TJP1: variants seen among roughly 807,000 people sequenced by gnomAD.
TJP1 encodes the protein tight junction protein 1, also known as tight junction protein ZO-1.
A neutral mutation model predicts 194.2 loss-of-function variants in TJP1; 43 were observed. The observed-to-expected ratio is 0.22, with a 90% CI of 0.17 to 0.29. TJP1 has a LOEUF of 0.29. Ranked by LOEUF, TJP1 falls within the 10% of genes least tolerant of loss-of-function variation. TJP1 has a pLI of 1.00. For missense variants in TJP1, 1,971 were observed against 2,185.7 expected, an observed-to-expected ratio of 0.90 and a Z score of 1.96; for synonymous variants, 801 against 779.0, an observed-to-expected ratio of 1.03 and a Z score of -0.47.
rs1190155216 is a variant in TJP1, at chr15:29,944,511, A to G, written c.306+11721T>C. Among the ~76,000 whole-genome samples the G allele has an allele frequency of 2.6e-5, 4 of 152,208 alleles. No individual in the cohort carries two copies. The East Asian group carries it at 5.8e-4, about 22-fold the overall frequency. On this transcript the variant is annotated intron_variant, in intron 2 of 28. Coordinates refer to the TJP1 transcript ENST00000356107. ...TGACCCTATGTTTATAAATACAGATATCTGAATTGGAATTACACCAACACT... is the reference window on the plus strand; with the variant it reads ...TGACCCTATGTTTATAAATACAGATGTCTGAATTGGAATTACACCAACACT...
At chr15:29,771,572 G>A (rs552831404) in intron 4 of TJP1, among the ~76,000 whole-genome samples, 4 of 152,146 alleles carry the variant, frequency 2.6e-5, no homozygotes, top group Middle Eastern at 3.4e-3. Context: ...TTGGGAGGCC[G>A]AGGCAGGCAG....
At chr15:29,949,492 C>T (rs375834821) in intron 2 of TJP1, among the ~76,000 whole-genome samples, 44 of 134,548 alleles carry the variant, frequency 3.3e-4, no homozygotes, top group East Asian at 5.3e-4. Flanking sequence ...CCACCACCTC[C>T]ACCTCCACAA....
At chr15:29,777,336 T>C (rs2047079750) in intron 2 of TJP1, among the ~76,000 whole-genome samples, 1 of 152,160 alleles carries the variant, frequency 6.6e-6, no homozygotes, top group African/African-American at 2.4e-5. Context: ...GTCAAATAAT[T>C]ACACAGCGAA....
intron 8 of TJP1, chr15:29,743,081 C>T (rs45560035): frequency 0.01 from 2,048 of 201,908 alleles, 68 homozygotes; most frequent in East Asian, 0.098. Flanking sequence ...TAAATGGTGT[C>T]GGGACAACTG....
intron 3 of TJP1, 121 bp downstream of exon 3, chr15:29,773,112 G>T: frequency 8.4e-7 from 1 of 1,187,072 alleles, no homozygotes. Flanking sequence ...AATATATGAA[G>T]CATGGCACAG....
chr15:29,719,031 C>G lies in TJP1; in HGVS notation c.3111G>C (p.Leu1037=), dbSNP rs36012099. 3,411 of 1,614,098 alleles carry G rather than the reference C, an allele frequency of 2.1e-3. 74 individuals are homozygous for G. In the African/African-American group the frequency reaches 0.042, roughly 20 times the overall value. ...CGTATGGGAGTTGGGGTTCATAGGT[C>G]AGATTAGGCTCTTTGTCTGGCCTGT... ...PGHRPDKEPN[L]TYEPQLPYVE... is the part of the protein sequence containing the mutation. Residue 1037 remains leucine (L), a synonymous_variant, in exon 21 of 28, where the codon CTG becomes CTC. Transcript: ENST00000614355.
chr15:29,753,917 T>C (rs534151551), intron 8 of TJP1, among the ~76,000 whole-genome samples: 7 of 151,608 alleles, frequency 4.6e-5, no homozygotes, highest in Non-Finnish European at 1.0e-4. Context: ...CAACAATATA[T>C]GTAATTCTTG....
chr15:29,744,573 T>C (rs1390250605), intron 8 of TJP1, among the ~76,000 whole-genome samples: 2 of 152,200 alleles, frequency 1.3e-5, no homozygotes, highest in East Asian at 1.9e-4. Flanking sequence ...TCAAGATCTA[T>C]AATTTTACAA....
chr15:29,897,400 G>T (rs986179944), intron 2 of TJP1, among the ~76,000 whole-genome samples: 4 of 152,340 alleles, frequency 2.6e-5, no homozygotes, highest in African/African-American at 9.6e-5. Flanking sequence ...TGGATGTCCA[G>T]GCAGAAGTTT....
chr15:29,792,075 G>T (rs1222776913), intron 2 of TJP1, among the ~76,000 whole-genome samples: 1 of 152,128 alleles, frequency 6.6e-6, no homozygotes, highest in African/African-American at 2.4e-5. Flanking sequence ...TCTGTGGGTT[G>T]TTTCTTCATT....
At chr15:29,777,810 T>C (rs2047111697) in intron 2 of TJP1, among the ~76,000 whole-genome samples, 1 of 152,218 alleles carries the variant, frequency 6.6e-6, no homozygotes, top group Admixed American at 6.5e-5. Context: ...ACAAGGTTAT[T>C]CATTGCAGAC....
chr15:29,807,225 T>C (rs1306759841), intron 1 of TJP1, among the ~76,000 whole-genome samples: 1 of 152,158 alleles, frequency 6.6e-6, no homozygotes, highest in African/African-American at 2.4e-5. Flanking sequence ...TTCTGGTTGA[T>C]CAAAGCTGAA....
At chr15:29,837,873 A>G (rs1218731649) in intron 2 of TJP1, among the ~76,000 whole-genome samples, 2 of 152,132 alleles carry the variant, frequency 1.3e-5, no homozygotes, top group Non-Finnish European at 2.9e-5. Flanking sequence ...CGCACAATAC[A>G]CTGATTCCTG....
At chr15:29,899,285 C>A (rs2053568571) in intron 2 of TJP1, among the ~76,000 whole-genome samples, 1 of 152,222 alleles carries the variant, frequency 6.6e-6, no homozygotes, top group Non-Finnish European at 1.5e-5. Context: ...TATATATGGA[C>A]AGACAAGTTC....
chr15:29,734,611 G>A (rs1250522955), intron 11 of TJP1, among the ~76,000 whole-genome samples: 1 of 151,742 alleles, frequency 6.6e-6, no homozygotes, highest in Non-Finnish European at 1.5e-5. Flanking sequence ...AGCCTCCCGA[G>A]TAGCTGGGAT....
intron 1 of TJP1, among the ~76,000 whole-genome samples, chr15:29,814,978 T>C (rs1438207322): frequency 6.6e-6 from 1 of 152,214 alleles, no homozygotes; most frequent in Non-Finnish European, 1.5e-5. Flanking sequence ...TTTGGTAACA[T>C]TGGTGTTCTC....
At chr15:29,876,146 G>A (rs1400104608) in intron 2 of TJP1, among the ~76,000 whole-genome samples, 1 of 152,186 alleles carries the variant, frequency 6.6e-6, no homozygotes, top group Non-Finnish European at 1.5e-5. Context: ...TCTACATTAA[G>A]CTTGTCTAAC....
In TJP1 at chr15:29,755,317, G is replaced by A. The variant is rs545648835; in HGVS notation, c.1010+5822C>T. Reference sequence around the variant, plus strand: ...AGAAGGTATCCCCATCAAGTGACACGTGACTGCACATTATATGCTCTACCT... The same window carrying A: ...AGAAGGTATCCCCATCAAGTGACACATGACTGCACATTATATGCTCTACCT... On this transcript the variant is annotated intron_variant, in intron 8 of 27. Transcript: ENST00000614355. 5.5e-4 allele frequency among the ~76,000 whole-genome samples: 84 copies of A among 152,336 alleles called. No individual in the cohort carries two copies. The South Asian group carries it at 8.1e-3, about 15-fold the overall frequency.
chr15:29,789,296 G>A (rs1463534530), intron 2 of TJP1, among the ~76,000 whole-genome samples: 1 of 152,186 alleles, frequency 6.6e-6, no homozygotes, highest in Non-Finnish European at 1.5e-5. Context: ...CAAGCACTAA[G>A]GAGATAGAAA....
Sources: gnomAD v4.1 joint callset for allele counts (sites outside exome capture counted in the v4.1 genomes callset) on GRCh38, gnomAD v4.1.1 for gene constraint, MANE v1.5 for transcripts, NCBI Gene and HGNC (gene_info 2026-07-23, HGNC 2026-07-21) for gene names.